RXFP2: variants seen among roughly 807,000 people sequenced by gnomAD.
RXFP2 encodes the protein relaxin family peptide receptor 2.
In RXFP2, 68 loss-of-function variants were observed where a neutral mutation model predicts 88.6. The ratio of observed to expected loss-of-function variants is 0.77; its 90% CI spans 0.63 to 0.94. The LOEUF (loss-of-function observed/expected upper bound fraction) is 0.94. Among genes scored for constraint, RXFP2 ranks in the 40% least tolerant of loss-of-function variants. The pLI is 0.00. For missense variants in RXFP2, 791 were observed against 893.9 expected (o/e 0.88, Z 1.47); for synonymous variants, 329 against 306.8 (o/e 1.07, Z -0.76).
intron 9 of RXFP2, among the ~76,000 whole-genome samples, chr13:31,780,853 A>G (rs1160319777): frequency 6.6e-6 from 1 of 152,206 alleles, no homozygotes; most frequent in African/African-American, 2.4e-5. Context: ...GAACTTGCTG[A>G]GACACAGATG....
intron 11 of RXFP2, 37 bp from the exon 12 acceptor site, chr13:31,786,346 C>T: frequency 2.2e-6 from 3 of 1,387,046 alleles, no homozygotes; most frequent in Non-Finnish European, 3.1e-6. Flanking sequence ...CATTTACTTC[C>T]AAAGTAATTG....
intron 1 of RXFP2, among the ~76,000 whole-genome samples, chr13:31,740,219 A>G (rs904952063): frequency 1.3e-5 from 2 of 152,114 alleles, no homozygotes; most frequent in Non-Finnish European, 2.9e-5. Flanking sequence ...AGTCTATACA[A>G]GTGCATTTAC....
rs112795709 is a variant in RXFP2, at chr13:31,758,006, C to T, written c.95-252C>T. On this transcript the variant is annotated intron_variant, in intron 1 of 17. Coordinates refer to ENST00000298386, the MANE Select transcript of RXFP2 (RefSeq NM_130806.5). ...ACTCGGGAGGCTGAGGCAGGAGAAT[C>T]GTTTGAATTTGGGAGGCAGAGGTCA... is the stretch of plus-strand genomic sequence containing the variant. Among the ~76,000 whole-genome samples, 60 of 151,974 alleles carry T rather than the reference C, an allele frequency of 3.9e-4. 1 individual carries two copies. Among genetic ancestry groups the T allele is most frequent in the African/African-American group, 1.4e-3 (57 of 41,364 alleles).
intron 2 of RXFP2, among the ~76,000 whole-genome samples, chr13:31,759,183 T>C (rs562686712): frequency 6.6e-6 from 1 of 151,904 alleles, no homozygotes; most frequent in Admixed American, 6.6e-5. Context: ...GGGAGACAAG[T>C]GTCTTGACCT....
chr13:31,790,151 C>T (rs749967882), intron 14 of RXFP2, among the ~76,000 whole-genome samples: 1 of 152,184 alleles, frequency 6.6e-6, no homozygotes, highest in South Asian at 2.1e-4. Flanking sequence ...TACTTCCCTA[C>T]TAAGTAACCT....
At chr13:31,796,883 T>C (rs952385250) in intron 16 of RXFP2, among the ~76,000 whole-genome samples, 6 of 152,242 alleles carry the variant, frequency 3.9e-5, no homozygotes, top group Non-Finnish European at 5.9e-5. Context: ...AGTGGAAAAT[T>C]CCACACCTGA....
chr13:31,774,727 T>G (rs757214282), intron 6 of RXFP2, 36 bp downstream of exon 6: 7 of 1,076,952 alleles, frequency 6.5e-6, no homozygotes, highest in South Asian at 1.2e-5. Context: ...AGGTATAATT[T>G]TAAGCAAAGA....
At chr13:31,770,833 G>C (rs544913456) in intron 5 of RXFP2, among the ~76,000 whole-genome samples, 1 of 152,236 alleles carries the variant, frequency 6.6e-6, no homozygotes, top group East Asian at 1.9e-4. Context: ...TTCTCTCTTA[G>C]TCTATTGAGG....
At chr13:31,744,484 A>G (rs1023514963) in intron 1 of RXFP2, among the ~76,000 whole-genome samples, 1 of 152,196 alleles carries the variant, frequency 6.6e-6, no homozygotes, top group South Asian at 2.1e-4. Context: ...ATTCTGCAAC[A>G]TATCTCTCCA....
At position 31,739,602 on chromosome 13, in the gene RXFP2, G is replaced by T. The variant is rs1566208404; in HGVS notation, c.-11G>T. 9 of 1,549,724 alleles carry T rather than the reference G, an allele frequency of 5.8e-6. No individual in the cohort carries two copies. Among genetic ancestry groups the T allele is most frequent in the Non-Finnish European group, 6.2e-6 (7 of 1,121,696 alleles). The stretch of plus-strand genomic sequence containing the variant: ...AGAGGATACGTCTAATAACTCAATT[G>T]CTGTAAACCTATGATTGTTTTTCTG... On this transcript the variant is annotated 5_prime_UTR_variant, in exon 1 of 18. Transcript: ENST00000298386.
chr13:31,739,763 A>T, intron 1 of RXFP2, 57 bp downstream of exon 1: 1 of 1,040,910 alleles, frequency 9.6e-7, no homozygotes, highest in Non-Finnish European at 1.5e-6. Context: ...ATACATTTCT[A>T]TGTAGTTCTA....
At chr13:31,771,674 C>A (rs1429814809) in intron 5 of RXFP2, among the ~76,000 whole-genome samples, 2 of 151,932 alleles carry the variant, frequency 1.3e-5, no homozygotes, top group Non-Finnish European at 2.9e-5. Flanking sequence ...CATCTGTAGT[C>A]CCAGCTACTC....
At position 31,799,494 on chromosome 13, in the gene RXFP2, C is replaced by T. The variant is rs79322512; in HGVS notation, c.2005+2075C>T. Among the ~76,000 whole-genome samples, 808 of 152,182 alleles carry T rather than the reference C, an allele frequency of 5.3e-3. 9 individuals carry two copies. The highest frequency in any genetic ancestry group is 0.018 in the African/African-American group (746 of 41,518). On this transcript the variant is annotated intron_variant, in intron 17 of 17. Transcript: ENST00000298386. ...CCTCCTAAAGTGCTGGGATTACAAG[C>T]GTGAACCACCAAGCCTGACCCCGTC...
Position 31,777,267 on chromosome 13 carries a change from G to C in RXFP2, c.642-109G>C, listed in dbSNP as rs895002199. The C allele has an allele frequency of 5.4e-6, 4 of 745,050 alleles. No individual in the cohort carries two copies. In the African/African-American group the frequency reaches 6.9e-5, roughly 13 times the overall value. The allele number at this position is 745,050 out of a possible 1,614,324, so 46.2% of individuals were successfully genotyped here. On this transcript the variant is annotated intron_variant, in intron 7 of 17. Transcript: ENST00000298386. ...AAAAGCTCTCAGGGAAGGGACAGGT[G>C]AGCCAAGTATGGAAGCACACAAAGG...
chr13:31,764,729 T>C (rs1315264826), intron 3 of RXFP2, among the ~76,000 whole-genome samples: 1 of 152,252 alleles, frequency 6.6e-6, no homozygotes, highest in East Asian at 1.9e-4. Flanking sequence ...CAAATGTTTT[T>C]CATTGAAGTG....
intron 1 of RXFP2, among the ~76,000 whole-genome samples, chr13:31,753,291 C>CA (rs1871758274): frequency 1.3e-5 from 2 of 152,192 alleles, no homozygotes; most frequent in South Asian, 4.1e-4. Flanking sequence ...TGATGGGGAG[C>CA]AAAAAATAGC....
At chr13:31,790,476 T>C (rs1219268873) in intron 14 of RXFP2, among the ~76,000 whole-genome samples, 1 of 152,224 alleles carries the variant, frequency 6.6e-6, no homozygotes, top group Admixed American at 6.5e-5. Flanking sequence ...AAGAATTGCC[T>C]CCTGTTTCTC....
chr13:31,743,046 G>A (rs539669640), intron 1 of RXFP2, among the ~76,000 whole-genome samples: 1 of 152,244 alleles, frequency 6.6e-6, no homozygotes, highest in Admixed American at 6.5e-5. Flanking sequence ...CCAGGTTTTT[G>A]CATGTATTTT....
Position 31,778,600 on chromosome 13 carries a change from G to T in RXFP2, c.785+17G>T. The T allele has an allele frequency of 6.4e-7, 1 of 1,559,562 alleles. No individual in the cohort carries two copies. The highest frequency in any genetic ancestry group is 8.8e-7 in the Non-Finnish European group (1 of 1,130,780). On this transcript the variant is annotated intron_variant, in intron 9 of 17. Transcript: ENST00000298386. Reference sequence around the variant, plus strand: ...CAACTGGGTGTGAGTATTTATTTAGGAATTAATTTGTTATTTGCCCTGATT... The same window carrying T: ...CAACTGGGTGTGAGTATTTATTTAGTAATTAATTTGTTATTTGCCCTGATT...
Sources: gnomAD v4.1 joint callset for allele counts (sites outside exome capture counted in the v4.1 genomes callset) on GRCh38, gnomAD v4.1.1 for gene constraint, MANE v1.5 for transcripts, NCBI Gene and HGNC (gene_info 2026-07-23, HGNC 2026-07-21) for gene names.